OXNAD1: variants seen among roughly 807,000 people sequenced by gnomAD.
OXNAD1 encodes oxidoreductase NAD binding domain containing 1.
In OXNAD1, 34 loss-of-function variants were observed where a neutral mutation model predicts 32.9. The observed-to-expected ratio is 1.03, with a 90% CI of 0.79 to 1.38. The LOEUF (loss-of-function observed/expected upper bound fraction) is 1.38, where lower values mean the gene tolerates loss of function less well. Among genes scored for constraint, OXNAD1 ranks in the 40% most tolerant of loss-of-function variants. The pLI is 0.00. For missense variants in OXNAD1, 407 were observed against 379.4 expected, an observed-to-expected ratio of 1.07 and a Z score of -0.60; for synonymous variants, 134 against 135.2, an observed-to-expected ratio of 0.99 and a Z score of 0.06.
intron 9 of OXNAD1, among the ~76,000 whole-genome samples, chr3:16,333,632 C>CA (rs1193900585): frequency 2.7e-5 from 4 of 150,038 alleles, no homozygotes; most frequent in Non-Finnish European, 5.9e-5. Flanking sequence ...ATCCAGAAAC[C>CA]AAAAAATAAA....
exon 10 of OXNAD1, chr3:16,350,160 C>T (rs181562581): frequency 1.1e-4 from 17 of 152,294 alleles, no homozygotes; most frequent in Admixed American, 1.0e-3. Flanking sequence ...TTAATTTTCT[C>T]GTTTAACATT....
Position 16,289,755 on chromosome 3 carries a change from C to T in OXNAD1, c.290+3307C>T, listed in dbSNP as rs1189964703. On this transcript the variant is annotated intron_variant, in intron 5 of 8. Transcript: ENST00000285083. The surrounding 1 kb of genome is among the most constrained non-coding windows in gnomAD (Gnocchi z 4.9). ...GTGTCTTTTAAGACTGTTTAAAGGG[C>T]ATCTCTTCTGTGAAGTCTTTCTTAA... Among the ~76,000 whole-genome samples the T allele has an allele frequency of 2.0e-5, 3 of 152,228 alleles. No homozygotes were observed. The highest frequency in any genetic ancestry group is 4.8e-5 in the African/African-American group (2 of 41,456).
intron 9 of OXNAD1, among the ~76,000 whole-genome samples, chr3:16,313,933 A>G (rs2068151951): frequency 6.6e-6 from 1 of 152,080 alleles, no homozygotes; most frequent in African/African-American, 2.4e-5. Context: ...TCCTCCCATC[A>G]TTGCCCTGCC....
At position 16,303,579 on chromosome 3, in the gene OXNAD1, G is replaced by A. The variant is rs1559772506; in HGVS notation, c.*17G>A. 6.2e-7 allele frequency: 1 copy of A among 1,608,608 alleles called. No homozygotes were observed. Among genetic ancestry groups the A allele is most frequent in the Admixed American group, 1.7e-5 (1 of 59,276 alleles). On this transcript the variant is annotated 3_prime_UTR_variant, in exon 9 of 9. Coordinates refer to ENST00000285083, the MANE Select transcript of OXNAD1 (RefSeq NM_138381.5). This position sits in a 1 kb window ranked among gnomAD's most constrained non-coding sequence, Gnocchi z 4.8. Reference sequence around the variant, plus strand: ...TGGTGGTAGGAGGCAGACAAAGGCAGAAAAAATAAAGAGGTGAGATCTACT... The same window carrying A: ...TGGTGGTAGGAGGCAGACAAAGGCAAAAAAAATAAAGAGGTGAGATCTACT...
chr3:16,337,635 G>A (rs751462841), downstream of OXNAD1, among the ~76,000 whole-genome samples: 7 of 151,834 alleles, frequency 4.6e-5, no homozygotes, highest in South Asian at 4.2e-4. The surrounding 1 kb of genome is among the most constrained non-coding windows in gnomAD (Gnocchi z 5.0). Flanking sequence ...CCAGCTACTC[G>A]GGAGGCTGAG....
At position 16,327,560 on chromosome 3, in the gene OXNAD1, C is replaced by T. The variant is rs551092331; in HGVS notation, c.*31-9552C>T. The stretch of plus-strand genomic sequence containing the variant: ...GGATCACATGGTCAGGAGATCAAGA[C>T]CATCCTGGCTAACACAGTGAAACCC... On this transcript the variant is annotated intron_variant, in intron 9 of 9. Coordinates refer to the OXNAD1 transcript ENST00000435829. This position sits in a 1 kb window ranked among gnomAD's most constrained non-coding sequence, Gnocchi z 4.2. Among the ~76,000 whole-genome samples, 202 of 152,134 alleles carry T rather than the reference C, an allele frequency of 1.3e-3. No homozygotes were observed. Among genetic ancestry groups the T allele is most frequent in the African/African-American group, 4.7e-3 (195 of 41,498 alleles).
intron 9 of OXNAD1, chr3:16,323,457 G>T (rs142197217): frequency 6.2e-7 from 1 of 1,609,358 alleles, no homozygotes; most frequent in Non-Finnish European, 8.5e-7. Context: ...CACTCCCCTC[G>T]CTGTAACACA....
rs527869563 is a variant in OXNAD1, at chr3:16,332,522, G to T, written c.*31-4590G>T. 3.3e-5 allele frequency among the ~76,000 whole-genome samples: 5 copies of T among 151,488 alleles called. No homozygotes were observed. The East Asian group carries it at 9.9e-4, about 30-fold the overall frequency. ...ACATTATCTCCACGGTTCCCAGGTT[G>T]CATGTGACAGAGATGGGGAACTAGG... On this transcript the variant is annotated intron_variant, in intron 9 of 9. Transcript: ENST00000435829.
At chr3:16,274,186 A>T (rs1200747987) in intron 4 of OXNAD1, among the ~76,000 whole-genome samples, 1 of 134,122 alleles carries the variant, frequency 7.5e-6, no homozygotes, top group African/African-American at 2.7e-5. Context: ...AAAAAAAAAC[A>T]AAAGATATCA....
chr3:16,270,912 A>AT (rs1559720111), intron 2 of OXNAD1, 33 bp from the exon 3 acceptor site: 1 of 1,613,164 alleles, frequency 6.2e-7, no homozygotes, highest in Admixed American at 1.7e-5. Flanking sequence ...TTTTAAAAAA[A>AT]CAATTTGAAA....
Position 16,280,520 on chromosome 3 carries a change from C to T in OXNAD1, c.184-5822C>T, listed in dbSNP as rs564009869. Among the ~76,000 whole-genome samples the T allele has an allele frequency of 2.0e-5, 3 of 152,068 alleles. No homozygotes were observed. The highest frequency in any genetic ancestry group is 1.9e-4 in the East Asian group (1 of 5,178). Reference sequence around the variant, plus strand: ...CCATTTAAATAATGTCTCTGGGTCTCGGTGTCTTTGTGTGTAAAATGGCAT... The same window carrying T: ...CCATTTAAATAATGTCTCTGGGTCTTGGTGTCTTTGTGTGTAAAATGGCAT... On this transcript the variant is annotated intron_variant, in intron 4 of 8. Coordinates refer to ENST00000285083, the MANE Select transcript of OXNAD1 (RefSeq NM_138381.5). This position sits in a 1 kb window ranked among gnomAD's most constrained non-coding sequence, Gnocchi z 4.5.
Position 16,302,316 on chromosome 3 carries a change from C to T in OXNAD1, c.676-324C>T, listed in dbSNP as rs2067240477. On this transcript the variant is annotated intron_variant, in intron 7 of 8. Coordinates refer to ENST00000285083, the MANE Select transcript of OXNAD1 (RefSeq NM_138381.5). This position sits in a 1 kb window ranked among gnomAD's most constrained non-coding sequence, Gnocchi z 4.2. Reference sequence around the variant, plus strand: ...ATTGCTTTGCAGCTGCAGGAATGAACAAAAGAACAGAAACAGTTAAAAGAC... The same window carrying T: ...ATTGCTTTGCAGCTGCAGGAATGAATAAAAGAACAGAAACAGTTAAAAGAC... 6.6e-6 allele frequency among the ~76,000 whole-genome samples: 1 copy of T among 152,026 alleles called. No individual in the cohort carries two copies. Among genetic ancestry groups the T allele is most frequent in the Admixed American group, 6.5e-5 (1 of 15,272 alleles).
rs900740752 is a variant in OXNAD1, at chr3:16,345,655, C to T, written c.*31-3521C>T. Among the ~76,000 whole-genome samples the T allele has an allele frequency of 2.6e-5, 4 of 152,082 alleles. No homozygotes were observed. Among genetic ancestry groups the T allele is most frequent in the Admixed American group, 1.3e-4 (2 of 15,274 alleles). On this transcript the variant is annotated intron_variant, in intron 9 of 9. Coordinates refer to the OXNAD1 transcript ENST00000606098. The surrounding 1 kb of genome is among the most constrained non-coding windows in gnomAD (Gnocchi z 5.2). Reference sequence around the variant, plus strand: ...AGGGCTTGGGACCTGGACTGGAGTCCACACCATCAGCTGCTAGCTCTCAGG... The same window carrying T: ...AGGGCTTGGGACCTGGACTGGAGTCTACACCATCAGCTGCTAGCTCTCAGG...
intron 9 of OXNAD1, among the ~76,000 whole-genome samples, chr3:16,332,566 T>C (rs2070433230): frequency 6.6e-6 from 1 of 152,158 alleles, no homozygotes; most frequent in Admixed American, 6.5e-5. Flanking sequence ...CACGCCACGT[T>C]AGGATTTTAA....
chr3:16,345,788 C>CTGTGTGTGTGTGTG lies in OXNAD1; in HGVS notation c.*31-3371_*31-3358dup, dbSNP rs370820242. Among the ~76,000 whole-genome samples, 387 of 127,214 alleles carry CTGTGTGTGTGTGTG rather than the reference C, an allele frequency of 3.0e-3. 1 individual carries two copies. The highest frequency in any genetic ancestry group is 4.3e-3 in the African/African-American group (144 of 33,114). The allele number at this position is 127,214 out of a possible 152,430, so 83.5% of individuals were successfully genotyped here. On this transcript the variant is annotated intron_variant, in intron 9 of 9. Coordinates refer to the OXNAD1 transcript ENST00000606098. The surrounding 1 kb of genome is among the most constrained non-coding windows in gnomAD (Gnocchi z 5.2). ...TGAGCCAAAACCTTATAATAAATCT[C>CTGTGTGTGTGTGTG]TGTGTGTGTGTGTGTGTGTGTGTGT...
Position 16,337,312 on chromosome 3 carries a change from G to C in OXNAD1, c.*231G>C, listed in dbSNP as rs2070949300. 1 of 152,176 alleles carries C rather than the reference G, an allele frequency of 6.6e-6. No homozygotes were observed. Among genetic ancestry groups the C allele is most frequent in the South Asian group, 2.1e-4 (1 of 4,834 alleles). The allele number at this position is 152,176 out of a possible 1,614,324, so 9.4% of individuals were successfully genotyped here. ...AAAATCACCCAGCTGACCTGTTTGG[G>C]TTATGATTTTAACTCACTAAGCTTT... On this transcript the variant is annotated 3_prime_UTR_variant, in exon 10 of 10. Transcript: ENST00000435829. The surrounding 1 kb of genome is among the most constrained non-coding windows in gnomAD (Gnocchi z 5.0).
chr3:16,315,841 A>C (rs62233919), intron 9 of OXNAD1: 25,237 of 152,250 alleles, frequency 0.17, 2,175 homozygotes, highest in Middle Eastern at 0.24. Context: ...TAAACACTCA[A>C]TCCTCACGGT....
At chr3:16,324,962 T>C (rs1024320049) in intron 9 of OXNAD1, among the ~76,000 whole-genome samples, 1 of 152,216 alleles carries the variant, frequency 6.6e-6, no homozygotes, top group Non-Finnish European at 1.5e-5. Context: ...GGGTTCTCTT[T>C]TCTCTATACC....
At chr3:16,300,474 C>T (rs1475513692) in intron 6 of OXNAD1, among the ~76,000 whole-genome samples, 3 of 151,848 alleles carry the variant, frequency 2.0e-5, no homozygotes, top group African/African-American at 7.3e-5. Context: ...TGGTTAAGTT[C>T]TGAACACAAC....
Sources: gnomAD v4.1 joint callset for allele counts (sites outside exome capture counted in the v4.1 genomes callset) on GRCh38, gnomAD v4.1.1 for gene constraint, Gnocchi (gnomAD v3.1) non-coding constraint, MANE v1.5 for transcripts, NCBI Gene and HGNC (gene_info 2026-07-23, HGNC 2026-07-21) for gene names.